The following AGR3 variants were observed in gnomAD, a reference collection of about 807,000 sequenced individuals.
AGR3 encodes the protein anterior gradient protein 3.
Under a neutral mutation model 24.5 loss-of-function variants are expected in AGR3, and 37 were observed. The observed-to-expected ratio is 1.51, with a 90% CI of 1.16 to 1.99. AGR3 has a LOEUF of 1.99. Among genes scored for constraint, AGR3 ranks in the 30% most tolerant of loss-of-function variants. The pLI is 0.00. For missense variants in AGR3, 228 were observed against 191.1 expected, an observed-to-expected ratio of 1.19 and a Z score of -1.14; for synonymous variants, 75 against 61.6, an observed-to-expected ratio of 1.22 and a Z score of -1.02.
chr7:16,857,023 A>C (rs980021542), downstream of AGR3, among the ~76,000 whole-genome samples: 1 of 151,420 alleles, frequency 6.6e-6, no homozygotes, highest in African/African-American at 2.4e-5. Context: ...ATGTTGCCCA[A>C]GCCAGAGTAC....
chr7:16,868,997 G>A (rs7804221), intron 3 of AGR3, among the ~76,000 whole-genome samples: 23,976 of 152,008 alleles, frequency 0.16, 2,631 homozygotes, highest in East Asian at 0.37. Context: ...TAATTCCTAC[G>A]CTATGAGAAC....
At chr7:16,857,900 G>T (rs1781575565), downstream of AGR3, among the ~76,000 whole-genome samples, 1 of 151,720 alleles carries the variant, frequency 6.6e-6, no homozygotes, top group African/African-American at 2.4e-5. Flanking sequence ...TCATATAAAA[G>T]TATAGTTTTA....
At chr7:16,861,685 G>A (rs1350416956) in intron 5 of AGR3, among the ~76,000 whole-genome samples, 1 of 152,072 alleles carries the variant, frequency 6.6e-6, no homozygotes, top group Non-Finnish European at 1.5e-5. Context: ...TGGATCACCT[G>A]AGGTCAGGAG....
intron 3 of AGR3, among the ~76,000 whole-genome samples, chr7:16,863,835 T>C (rs1781696107): frequency 6.6e-6 from 1 of 152,150 alleles, no homozygotes; most frequent in Non-Finnish European, 1.5e-5. Context: ...TTTACATTTG[T>C]ACACTTATTT....
intron 2 of AGR3, among the ~76,000 whole-genome samples, chr7:16,874,107 G>T (rs1781941180): frequency 1.3e-5 from 2 of 152,294 alleles, no homozygotes; most frequent in Non-Finnish European, 2.9e-5. Flanking sequence ...ATGTTGTTAT[G>T]ATTAGAGCTG....
chr7:16,881,075 G>C (rs1189406254), intron 1 of AGR3, among the ~76,000 whole-genome samples: 1 of 152,156 alleles, frequency 6.6e-6, no homozygotes, highest in Non-Finnish European at 1.5e-5. Flanking sequence ...GTTAAGAAAA[G>C]TCAATCTGGA....
downstream of AGR3, among the ~76,000 whole-genome samples, chr7:16,856,608 T>C (rs1781557726): frequency 6.6e-6 from 1 of 152,220 alleles, no homozygotes. Flanking sequence ...TGTACAACTT[T>C]TTTGACTGTT....
At chr7:16,862,488 G>A in intron 4 of AGR3, 122 bp downstream of exon 4, 1 of 508,600 alleles carries the variant, frequency 2.0e-6, no homozygotes, top group Non-Finnish European at 3.3e-6. Flanking sequence ...TACTCTGGCA[G>A]TTGTCTATTT....
chr7:16,874,846 G>A (rs144664395), intron 2 of AGR3, among the ~76,000 whole-genome samples: 6 of 152,198 alleles, frequency 3.9e-5, no homozygotes, highest in African/African-American at 1.2e-4. Flanking sequence ...GCCAGGCATG[G>A]TGGCTCATGA....
Position 16,878,563 on chromosome 7 carries a change from T to A in AGR3, c.56A>T (p.Asn19Ile), listed in dbSNP as rs1186545893. 1 of 1,614,060 alleles carries A rather than the reference T, an allele frequency of 6.2e-7. No homozygotes were observed. The highest frequency in any genetic ancestry group is 1.7e-5 in the Admixed American group (1 of 60,018). ...LCLLLVTVSSNLAIAIKKEKR... is the reference protein window; with the variant it reads ...LCLLLVTVSSILAIAIKKEKR... ...TTCCTTTTTTATTGCAATGGCAAGG[T>A]TGGAAGAAACTGTGACGAGTAAGAG... The change falls in exon 2 of 8, where the codon AAC (asparagine) becomes ATC (isoleucine). Residue 19 changes from asparagine (N) to isoleucine (I), a missense_variant. Physicochemically the swap from Asn to Ile is moderately radical, Grantham distance 149. Transcript: ENST00000310398.
chr7:16,878,338 C>G (rs1782031177), intron 2 of AGR3, among the ~76,000 whole-genome samples, 172 bp downstream of exon 2: 1 of 152,084 alleles, frequency 6.6e-6, no homozygotes, highest in African/African-American at 2.4e-5. Context: ...GATTCACTGC[C>G]TAAAATAAAC....
intron 2 of AGR3, among the ~76,000 whole-genome samples, chr7:16,874,079 C>A (rs912128292): frequency 6.6e-6 from 1 of 152,116 alleles, no homozygotes; most frequent in African/African-American, 2.4e-5. Flanking sequence ...GGCCTTGAAC[C>A]CAGTAAGTAC....
rs750966386 is a variant in AGR3, at chr7:16,860,571, GT to G, written c.379del (p.Thr127GlnfsTer6). 11 of 1,612,406 alleles carry G rather than the reference GT, an allele frequency of 6.8e-6. No homozygotes were observed. In the East Asian group the frequency reaches 2.5e-4, roughly 36 times the overall value. ...TCTTCCAGCTATGTCAGCTCTAACT[GT>G]TAAAGAAGGGTCTGTCAAGGAAAAA... ...PRIMFVDPSL[T>X]VRADIAGRYS... On this transcript the variant is annotated frameshift_variant, in exon 7 of 8. Transcript: ENST00000310398. LOFTEE classifies it high-confidence loss of function.
rs763306739 is a variant in AGR3, at chr7:16,861,463, A to T, written c.304-16T>A. On this transcript the variant is annotated splice_polypyrimidine_tract_variant and intron_variant, in intron 5 of 7. Transcript: ENST00000310398. ...TGGTTTCATGCTAGCAGGAGAAGAA[A>T]AAAAAAGAATGTTATTGGATTCATT... 1 of 1,595,614 alleles carries T rather than the reference A, an allele frequency of 6.3e-7. No homozygotes were observed. The highest frequency in any genetic ancestry group is 1.1e-5 in the South Asian group (1 of 87,974).
chr7:16,872,436 T>TA lies in AGR3; in HGVS notation c.173+1343dup, dbSNP rs142388673. ...AGAATGAAACTAGACTCCTAACTCTTACCATATGCAGAAATCAATTCAAAA... is the reference window on the plus strand; with the variant it reads ...AGAATGAAACTAGACTCCTAACTCTTAACCATATGCAGAAATCAATTCAAAA... On this transcript the variant is annotated intron_variant, in intron 3 of 7. Transcript: ENST00000310398. 8.3e-4 allele frequency among the ~76,000 whole-genome samples: 126 copies of TA among 152,244 alleles called. 3 individuals are homozygous for TA. In the East Asian group the frequency reaches 0.019, roughly 23 times the overall value.
intron 3 of AGR3, among the ~76,000 whole-genome samples, chr7:16,868,673 A>G (rs1781807249): frequency 2.0e-5 from 3 of 151,906 alleles, no homozygotes; most frequent in South Asian, 4.2e-4. Context: ...TCACTTGCCT[A>G]TTTTTGCTTT....
chr7:16,856,814 TAC>T (rs909600537), downstream of AGR3, among the ~76,000 whole-genome samples: 9 of 148,148 alleles, frequency 6.1e-5, no homozygotes, highest in Admixed American at 2.0e-4. Context: ...CACACACACA[TAC>T]ACACACACAC....
chr7:16,865,862 G>T, intron 3 of AGR3: 1 of 732,844 alleles, frequency 1.4e-6, no homozygotes, highest in Non-Finnish European at 2.5e-6. Flanking sequence ...CTTTGATAGC[G>T]TTTTTTTGGT....
At chr7:16,869,907 A>G (rs533732018) in intron 3 of AGR3, among the ~76,000 whole-genome samples, 55 of 151,826 alleles carry the variant, frequency 3.6e-4, no homozygotes, top group African/African-American at 1.3e-3. Flanking sequence ...AATGTTCCTA[A>G]CTATCCTAAC....
Sources: gnomAD v4.1 joint callset for allele counts (sites outside exome capture counted in the v4.1 genomes callset) on GRCh38, gnomAD v4.1.1 for gene constraint, MANE v1.5 for transcripts, NCBI Gene and HGNC (gene_info 2026-07-23, HGNC 2026-07-21) for gene names.